Variants in TG observed in about 807,000 individuals in gnomAD.
TG encodes thyroid hormones.
A neutral mutation model predicts 324.7 loss-of-function variants in TG; 270 were observed. The ratio of observed to expected loss-of-function variants is 0.83; its 90% CI spans 0.75 to 0.92. The LOEUF (loss-of-function observed/expected upper bound fraction) is 0.92. TG is among the 40% of genes least tolerant of loss of function. TG has a pLI of 0.00. For missense variants in TG, 3,591 were observed against 3,456.4 expected, an observed-to-expected ratio of 1.04 and a Z score of -0.98; for synonymous variants, 1,401 against 1,327.0, an observed-to-expected ratio of 1.06 and a Z score of -1.21.
intron 41 of TG, chr8:133,040,043 G>A: frequency 6.4e-7 from 1 of 1,552,596 alleles, no homozygotes. Context: ...CAAGGTGACA[G>A]GTGAGCTGGA....
chr8:133,023,318 G>A (rs944600728), intron 40 of TG, among the ~76,000 whole-genome samples: 1 of 151,830 alleles, frequency 6.6e-6, no homozygotes, highest in Admixed American at 6.5e-5. Context: ...GATTTTTTTT[G>A]ATGGGGAGCA....
chr8:133,022,291 G>C (rs531949740), intron 40 of TG, 141 bp downstream of exon 40: 5 of 1,071,694 alleles, frequency 4.7e-6, no homozygotes, highest in African/African-American at 3.1e-5. Flanking sequence ...ACATATGGGA[G>C]ACCCTCCGGG....
At chr8:132,929,251 G>A (rs1822334607) in intron 23 of TG, 59 bp downstream of exon 23, 2 of 1,317,166 alleles carry the variant, frequency 1.5e-6, no homozygotes, top group Non-Finnish European at 1.1e-6. Context: ...GCTCTGCTGA[G>A]AGTTGTCGAG....
chr8:132,872,697 G>C (rs1267685594), intron 4 of TG, among the ~76,000 whole-genome samples: 1 of 152,036 alleles, frequency 6.6e-6, no homozygotes, highest in Admixed American at 6.6e-5. Context: ...ACCCCATACA[G>C]GTGTACTATT....
chr8:132,906,567 C>T, intron 16 of TG, 121 bp from the exon 17 acceptor site: 1 of 1,146,498 alleles, frequency 8.7e-7, no homozygotes, highest in South Asian at 1.4e-5. Context: ...CTTGACAGGT[C>T]CAGGGAAGGG....
intron 43 of TG, among the ~76,000 whole-genome samples, chr8:133,104,582 A>C (rs553083139): frequency 6.6e-6 from 1 of 152,334 alleles, no homozygotes; most frequent in African/African-American, 2.4e-5. Context: ...TTGGAAGAAA[A>C]CCAAGAAAAT....
intron 4 of TG, among the ~76,000 whole-genome samples, chr8:132,872,501 A>T (rs1839587260): frequency 7.0e-6 from 1 of 141,886 alleles, no homozygotes; most frequent in African/African-American, 2.7e-5. Flanking sequence ...AAAAAAAAAA[A>T]TGTTGCAGTA....
intron 45 of TG, among the ~76,000 whole-genome samples, chr8:133,130,704 C>T (rs372815454): frequency 6.6e-6 from 1 of 152,150 alleles, no homozygotes; most frequent in Non-Finnish European, 1.5e-5. Flanking sequence ...CCACTAAGAT[C>T]GATCCTGGAT....
chr8:132,961,734 G>A (rs991694415), intron 28 of TG, among the ~76,000 whole-genome samples: 2 of 151,168 alleles, frequency 1.3e-5, no homozygotes, highest in African/African-American at 4.9e-5. Flanking sequence ...CCCATCACAG[G>A]TCATGGCCAT....
chr8:133,067,030 C>A (rs957420029), intron 41 of TG, among the ~76,000 whole-genome samples: 15 of 152,186 alleles, frequency 9.9e-5, no homozygotes, highest in Admixed American at 4.6e-4. Flanking sequence ...TACCCAGTAC[C>A]GGCACAATTG....
At chr8:133,085,376 A>C (rs1001198720) in intron 41 of TG, among the ~76,000 whole-genome samples, 2 of 152,252 alleles carry the variant, frequency 1.3e-5, no homozygotes, top group Non-Finnish European at 2.9e-5. Context: ...AATTTAAAAA[A>C]TTCTGTGCTC....
chr8:132,882,661 C>T (rs1335473706), intron 7 of TG, 49 bp downstream of exon 7: 4 of 1,614,072 alleles, frequency 2.5e-6, no homozygotes, highest in South Asian at 1.1e-5. Flanking sequence ...AGGGGGACGC[C>T]TCTTGGGTTT....
rs2069569 is a variant in TG at position 133,096,302 on chromosome 8, T to A, written c.7501T>A (p.Trp2501Arg). The A allele has an allele frequency of 1.2e-6, 2 of 1,613,964 alleles. No individual in the cohort carries two copies. Among genetic ancestry groups the A allele is most frequent in the South Asian group, 2.2e-5 (2 of 91,060 alleles). The change falls in exon 43 of 48, where the codon TGG becomes AGG. Residue 2501 changes from tryptophan to arginine, a missense_variant. Trp to Arg is a moderately radical substitution (Grantham distance 101, BLOSUM62 -3). Transcript: ENST00000220616. ...AGCCAGAGCACTGAAGAGGTCTTTA[T>A]GGGTAGAGGTCGATCTGCTCATTGG... ...PPARALKRSL[W>R]VEVDLLIGSS... is the part of the protein sequence containing the mutation.
At chr8:133,101,785 A>G (rs529834193) in intron 43 of TG, among the ~76,000 whole-genome samples, 1 of 152,318 alleles carries the variant, frequency 6.6e-6, no homozygotes, top group South Asian at 2.1e-4. Flanking sequence ...ATGGACATCT[A>G]TTCCAAGACC....
intron 10 of TG, 135 bp from the exon 11 acceptor site, chr8:132,893,555 G>A (rs1816650974): frequency 7.4e-6 from 9 of 1,222,812 alleles, no homozygotes; most frequent in Non-Finnish European, 1.1e-5. Context: ...GGGGGGTGGT[G>A]TGTATGTGTG....
chr8:132,913,012 T>G (rs1352104097), intron 19 of TG, 35 bp from the exon 20 acceptor site: 3 of 1,603,736 alleles, frequency 1.9e-6, no homozygotes, highest in Non-Finnish European at 2.6e-6. Context: ...CAGAGTACAG[T>G]GGGGGTGACC....
In TG at chr8:132,869,622, C is replaced by A. The variant is rs747519559; in HGVS notation, c.177-107C>A. 409 of 1,038,056 alleles carry A rather than the reference C, an allele frequency of 3.9e-4. 1 individual carries two copies. Among genetic ancestry groups the A allele is most frequent in the Middle Eastern group, 2.6e-3 (13 of 4,990 alleles). 64.3% of individuals were successfully genotyped at this position (1,038,056 alleles called of 1,614,324 possible). ...CACTCTCTCCCTAATTTAAACGAACCAAAACTTGCAAGAATGGAAATGAAG... is the reference window on the plus strand; with the variant it reads ...CACTCTCTCCCTAATTTAAACGAACAAAAACTTGCAAGAATGGAAATGAAG... On this transcript the variant is annotated intron_variant, in intron 2 of 47. Coordinates refer to ENST00000220616, the MANE Select transcript of TG (RefSeq NM_003235.5).
chr8:133,096,436 A>G (rs1390552662), intron 43 of TG, 63 bp downstream of exon 43: 16 of 1,591,472 alleles, frequency 1.0e-5, no homozygotes, highest in African/African-American at 2.7e-5. Context: ...CTGGACCTCA[A>G]TGTCTGACTT....
chr8:133,030,043 C>T lies in TG; in HGVS notation c.7239+20C>T. 1 of 1,614,096 alleles carries T rather than the reference C, an allele frequency of 6.2e-7. No homozygotes were observed. The highest frequency in any genetic ancestry group is 1.1e-5 in the South Asian group (1 of 91,080). ...CTGATGGTAAGTGGTGTGTGTTCTA[C>T]CTTCAGTCTTACTGCAGATGCGGCT... is the stretch of plus-strand genomic sequence containing the variant. On this transcript the variant is annotated intron_variant, in intron 41 of 47. Coordinates refer to ENST00000220616, the MANE Select transcript of TG (RefSeq NM_003235.5).
Sources: gnomAD v4.1 joint callset for allele counts (sites outside exome capture counted in the v4.1 genomes callset) on GRCh38, gnomAD v4.1.1 for gene constraint, MANE v1.5 for transcripts, NCBI Gene and HGNC (gene_info 2026-07-23, HGNC 2026-07-21) for gene names.